The following TAFA2 variants were observed in gnomAD, a reference collection of about 807,000 sequenced individuals.
The protein encoded by TAFA2 is TAFA chemokine like family member 2.
A neutral mutation model predicts 18.8 loss-of-function variants in TAFA2; 7 were observed. That is an observed-to-expected ratio of 0.37 (90% CI 0.21 to 0.70). The LOEUF is 0.70. Among genes scored for constraint, TAFA2 ranks in the 30% least tolerant of loss-of-function variants. The probability of loss-of-function intolerance (pLI) is 0.53; values close to 1 mark genes in which losing one functional copy is unlikely to be tolerated. For missense variants in TAFA2, 122 were observed against 158.1 expected (o/e 0.77, Z 1.23); for synonymous variants, 60 against 54.2 (o/e 1.11, Z -0.47).
intron 2 of TAFA2, among the ~76,000 whole-genome samples, chr12:61,818,285 C>A (rs78337480): frequency 0.11 from 16,809 of 152,084 alleles, 1,131 homozygotes; most frequent in East Asian, 0.19. Context: ...CACTTCAGTG[C>A]TTATTTTTTT....
intron 2 of TAFA2, among the ~76,000 whole-genome samples, chr12:61,779,802 G>T (rs528788740): frequency 6.6e-6 from 1 of 151,864 alleles, no homozygotes; most frequent in South Asian, 2.1e-4. Flanking sequence ...CAGGTATGCT[G>T]CAGGTGGCCA....
intron 4 of TAFA2, among the ~76,000 whole-genome samples, chr12:61,712,229 T>C (rs1869444791): frequency 6.6e-6 from 1 of 152,122 alleles, no homozygotes; most frequent in Admixed American, 6.6e-5. Context: ...ACACGTCCTC[T>C]TGATCCACTT....
chr12:62,047,184 C>T (rs1191356225), intron 1 of TAFA2, among the ~76,000 whole-genome samples: 1 of 151,998 alleles, frequency 6.6e-6, no homozygotes, highest in African/African-American at 2.4e-5. Flanking sequence ...GTCTATTCAG[C>T]ACCTAACTGG....
At chr12:61,763,270 A>C (rs1344956861) in intron 2 of TAFA2, among the ~76,000 whole-genome samples, 2 of 152,036 alleles carry the variant, frequency 1.3e-5, no homozygotes, top group African/African-American at 4.8e-5. Context: ...AGAAAATGAA[A>C]TTTTGGGGTG....
Position 62,014,018 on chromosome 12 carries a change from A to G in TAFA2, c.-1-146592T>C, listed in dbSNP as rs76907103. On this transcript the variant is annotated intron_variant, in intron 1 of 4. Coordinates refer to ENST00000416284, the MANE Select transcript of TAFA2 (RefSeq NM_178539.5). ...ATGCTAGATACTTCTTAAATACTTGATATCTGACTGTTGACTGATATCTTA... is the reference window on the plus strand; with the variant it reads ...ATGCTAGATACTTCTTAAATACTTGGTATCTGACTGTTGACTGATATCTTA... Among the ~76,000 whole-genome samples the G allele has an allele frequency of 2.0e-3, 312 of 152,304 alleles. 1 individual carries two copies. The highest frequency in any genetic ancestry group is 7.0e-3 in the African/African-American group (291 of 41,574).
intron 1 of TAFA2, among the ~76,000 whole-genome samples, chr12:62,133,564 A>G (rs1305535361): frequency 1.3e-5 from 2 of 152,050 alleles, no homozygotes; most frequent in Non-Finnish European, 2.9e-5. Context: ...TTATGTGAGC[A>G]AACAGTTCCG....
intron 2 of TAFA2, among the ~76,000 whole-genome samples, chr12:61,799,114 A>T (rs1451882938): frequency 6.6e-6 from 1 of 152,234 alleles, no homozygotes; most frequent in East Asian, 1.9e-4. Context: ...AACTTTTGTG[A>T]TTAAAATGTA....
At chr12:61,910,856 G>A (rs889047441) in intron 1 of TAFA2, among the ~76,000 whole-genome samples, 6 of 152,124 alleles carry the variant, frequency 3.9e-5, no homozygotes, top group Admixed American at 2.0e-4. Flanking sequence ...GTGCAATTCC[G>A]AACCATCTGT....
intron 2 of TAFA2, among the ~76,000 whole-genome samples, chr12:61,801,720 C>T (rs962846879): frequency 3.3e-5 from 5 of 152,042 alleles, no homozygotes; most frequent in Admixed American, 3.3e-4. Flanking sequence ...ATGGGTAAGA[C>T]TTCAAAACCA....
At chr12:62,165,701 T>A (rs1302495723) in intron 1 of TAFA2, among the ~76,000 whole-genome samples, 1 of 152,004 alleles carries the variant, frequency 6.6e-6, no homozygotes, top group Non-Finnish European at 1.5e-5. Flanking sequence ...AATTCCATCA[T>A]ATCCTTTCTT....
intron 4 of TAFA2, among the ~76,000 whole-genome samples, chr12:61,711,357 C>G (rs903178633): frequency 6.6e-6 from 1 of 151,762 alleles, no homozygotes; most frequent in Admixed American, 6.6e-5. Flanking sequence ...GCAGAAATAT[C>G]TCGATTTCTG....
chr12:61,741,576 A>G (rs1180812212), intron 4 of TAFA2, among the ~76,000 whole-genome samples: 4 of 152,106 alleles, frequency 2.6e-5, no homozygotes, highest in Non-Finnish European at 5.9e-5. Context: ...TGGCATCACA[A>G]TCTGGTATCA....
chr12:62,246,631 T>C (rs1452020590), intron 1 of TAFA2, among the ~76,000 whole-genome samples: 2 of 152,246 alleles, frequency 1.3e-5, no homozygotes, highest in Non-Finnish European at 2.9e-5. Flanking sequence ...CTGCTTTATG[T>C]GTTTTGAGGT....
intron 1 of TAFA2, among the ~76,000 whole-genome samples, chr12:62,049,965 C>A (rs1039711458): frequency 3.3e-5 from 5 of 152,148 alleles, no homozygotes; most frequent in African/African-American, 1.2e-4. Context: ...ACATGAATAT[C>A]CAATATGATA....
rs1873552731 is a variant in TAFA2, at chr12:61,849,484, T to C, written c.106+17836A>G. On this transcript the variant is annotated intron_variant, in intron 2 of 4. Coordinates refer to ENST00000416284, the MANE Select transcript of TAFA2 (RefSeq NM_178539.5). Reference sequence around the variant, plus strand: ...TTAATTCCCAGCCTAGTATCTTGCTTATTTATTTTCATAATATCCAAATAT... The same window carrying C: ...TTAATTCCCAGCCTAGTATCTTGCTCATTTATTTTCATAATATCCAAATAT... 2.0e-5 allele frequency among the ~76,000 whole-genome samples: 3 copies of C among 152,222 alleles called. No individual in the cohort carries two copies. In the South Asian group the frequency reaches 6.2e-4, roughly 32 times the overall value.
rs115441909 is a variant in TAFA2, at chr12:62,159,645, T to G, written c.-2+31614A>C. On this transcript the variant is annotated intron_variant, in intron 1 of 4. Transcript: ENST00000416284. Reference sequence around the variant, plus strand: ...TATTTTGTCTTGATTGGACTGAGTTTAGGAGCTAAGCTATGAGGACTGCAA... The same window carrying G: ...TATTTTGTCTTGATTGGACTGAGTTGAGGAGCTAAGCTATGAGGACTGCAA... Among the ~76,000 whole-genome samples, 1,487 of 152,050 alleles carry G rather than the reference T, an allele frequency of 9.8e-3. 19 individuals carry two copies. The highest frequency in any genetic ancestry group is 0.033 in the African/African-American group (1,376 of 41,472).
At chr12:62,091,917 C>G (rs1379724816) in intron 1 of TAFA2, among the ~76,000 whole-genome samples, 1 of 151,960 alleles carries the variant, frequency 6.6e-6, no homozygotes, top group Non-Finnish European at 1.5e-5. Flanking sequence ...GACAGAGTAT[C>G]AAGTTGAGTG....
intron 1 of TAFA2, among the ~76,000 whole-genome samples, chr12:62,159,001 A>G (rs2062389425): frequency 6.6e-6 from 1 of 152,222 alleles, no homozygotes; most frequent in Non-Finnish European, 1.5e-5. Context: ...TACAGATTAT[A>G]CAGGTATGAT....
chr12:62,237,112 A>G (rs2136987503), intron 1 of TAFA2, among the ~76,000 whole-genome samples: 1 of 152,200 alleles, frequency 6.6e-6, no homozygotes, highest in Admixed American at 6.5e-5. Flanking sequence ...TTTATTTTCT[A>G]TATCTTGCAG....
Sources: gnomAD v4.1 joint callset for allele counts (sites outside exome capture counted in the v4.1 genomes callset) on GRCh38, gnomAD v4.1.1 for gene constraint, MANE v1.5 for transcripts, NCBI Gene and HGNC (gene_info 2026-07-23, HGNC 2026-07-21) for gene names.